The following COIL variants were observed in gnomAD, a reference collection of about 807,000 sequenced individuals.
COIL encodes the protein coilin.
In COIL, 28 loss-of-function variants were observed where a neutral mutation model predicts 51.6. The ratio of observed to expected loss-of-function variants is 0.54; its 90% CI spans 0.40 to 0.74. The LOEUF (loss-of-function observed/expected upper bound fraction) is 0.74, where lower values mean the gene tolerates loss of function less well. Ranked by LOEUF, COIL falls within the 30% of genes least tolerant of loss-of-function variation. The probability of loss-of-function intolerance (pLI) is 0.00; values close to 1 mark genes in which losing one functional copy is unlikely to be tolerated. For missense variants in COIL, 667 were observed against 685.9 expected, an observed-to-expected ratio of 0.97 and a Z score of 0.31; for synonymous variants, 233 against 255.8, an observed-to-expected ratio of 0.91 and a Z score of 0.85.
Position 56,950,633 on chromosome 17 carries a change from C to T in COIL, c.609G>A (p.Pro203=), listed in dbSNP as rs549254413. ...YKKKAKNPKS[P]KVQAVKDWAN... ...CCCAGTCTTTCACTGCCTGTACTTT[C>T]GGAGACTTGGGATTCTTAGCCTTTT... Residue 203 remains proline, a synonymous_variant, in exon 2 of 7, where the codon CCG becomes CCA. Coordinates refer to ENST00000240316, the MANE Select transcript of COIL (RefSeq NM_004645.3). 13 of 1,612,876 alleles carry T rather than the reference C, an allele frequency of 8.1e-6. No individual in the cohort carries two copies. The highest frequency in any genetic ancestry group is 6.7e-5 in the African/African-American group (5 of 74,952).
At chr17:56,949,097 G>C (rs1822614892) in intron 4 of COIL, among the ~76,000 whole-genome samples, 1 of 152,040 alleles carries the variant, frequency 6.6e-6, no homozygotes, top group South Asian at 2.1e-4. Flanking sequence ...AACATAGCAA[G>C]ATCCTGTCGC....
intron 1 of COIL, among the ~76,000 whole-genome samples, chr17:56,958,849 T>C (rs1046730430): frequency 6.6e-6 from 1 of 152,238 alleles, no homozygotes; most frequent in African/African-American, 2.4e-5. Flanking sequence ...TTTGAAACAG[T>C]TGAACATTAT....
In COIL at chr17:56,938,830, G is replaced by T; in HGVS notation, c.*241C>A. On this transcript the variant is annotated 3_prime_UTR_variant, in exon 7 of 7. Transcript: ENST00000240316. The stretch of plus-strand genomic sequence containing the variant: ...ATACTGGTATACAACAATATCTGCA[G>T]GGAATGTCATGTTTTACATTTTGTT... 1 of 376,236 alleles carries T rather than the reference G, an allele frequency of 2.7e-6. No individual in the cohort carries two copies. 23.3% of individuals were successfully genotyped at this position (376,236 alleles called of 1,614,324 possible).
intron 1 of COIL, among the ~76,000 whole-genome samples, chr17:56,953,278 G>A (rs1291460897): frequency 6.6e-6 from 1 of 151,912 alleles, no homozygotes; most frequent in African/African-American, 2.4e-5. Flanking sequence ...AGGCGTGGTG[G>A]CGGGCGCCTG....
In COIL at chr17:56,942,071, G is replaced by A. The variant is rs764901266; in HGVS notation, c.1611C>T (p.Ala537=). ...GTGTCACAGCGTACTCCACTACCTC[G>A]GCTCCATTTTCATTGTGATAAACTA... is the stretch of plus-strand genomic sequence containing the variant. ...FDLVYHNENG[A]EVVEYAVTQE... Residue 537 remains alanine, a synonymous_variant, in exon 6 of 7, where the codon GCC becomes GCT. Transcript: ENST00000240316. The A allele has an allele frequency of 1.4e-5, 22 of 1,613,960 alleles. No individual in the cohort carries two copies. Among genetic ancestry groups the A allele is most frequent in the East Asian group, 2.2e-5 (1 of 44,896 alleles).
Position 56,959,542 on chromosome 17 carries a change from T to G in COIL, c.245+1233A>C, listed in dbSNP as rs1910543933. On this transcript the variant is annotated intron_variant, in intron 1 of 6. Coordinates refer to ENST00000240316, the MANE Select transcript of COIL (RefSeq NM_004645.3). ...TTAAGATTATTTTGTGTTTCCCAAT[T>G]TACAGCCCAAAAGGACTCAAGACAC... Among the ~76,000 whole-genome samples the G allele has an allele frequency of 2.6e-5, 4 of 152,298 alleles. No individual in the cohort carries two copies. In the South Asian group the frequency reaches 8.3e-4, roughly 32 times the overall value.
At chr17:56,942,151 G>A (rs535958153) in intron 5 of COIL, 28 bp from the exon 6 acceptor site, 1 of 1,550,760 alleles carries the variant, frequency 6.4e-7, no homozygotes. Flanking sequence ...GGAGGAAAGA[G>A]AGTAAGTCAT....
intron 6 of COIL, among the ~76,000 whole-genome samples, chr17:56,939,517 A>G (rs917293791): frequency 6.6e-6 from 1 of 152,142 alleles, no homozygotes; most frequent in Non-Finnish European, 1.5e-5. Context: ...TGGGAGGCCA[A>G]GGCAGTCGGA....
At chr17:56,948,213 C>T (rs778361502) in intron 4 of COIL, among the ~76,000 whole-genome samples, 2 of 146,668 alleles carry the variant, frequency 1.4e-5, no homozygotes, top group Non-Finnish European at 3.0e-5. Context: ...CAGCTAACTG[C>T]AAGCTCTGCC....
intron 1 of COIL, chr17:56,952,276 T>C (rs1402788923): frequency 1.2e-5 from 6 of 487,022 alleles, no homozygotes; most frequent in Non-Finnish European, 2.0e-5. Flanking sequence ...TCTAGAAAAA[T>C]GGCAGAATAA....
rs370458934 is a variant in COIL, at chr17:56,949,798, T to C, written c.1354-31A>G. The stretch of plus-strand genomic sequence containing the variant: ...AAACAGTGTTAGTCATGTGACATCA[T>C]CACTGGTGAGAAAATGTGAATCCAT... On this transcript the variant is annotated intron_variant, in intron 2 of 6. Transcript: ENST00000240316. The C allele has an allele frequency of 3.1e-6, 5 of 1,611,774 alleles. No homozygotes were observed. The highest frequency in any genetic ancestry group is 4.2e-6 in the Non-Finnish European group (5 of 1,177,872).
At chr17:56,949,850 G>A in intron 2 of COIL, 39 bp downstream of exon 2, 2 of 1,610,822 alleles carry the variant, frequency 1.2e-6, no homozygotes, top group Non-Finnish European at 1.7e-6. Context: ...ACATTCTAAG[G>A]GGAAAGGGAG....
intron 5 of COIL, 70 bp from the exon 6 acceptor site, chr17:56,942,193 GA>G: frequency 8.3e-7 from 1 of 1,204,546 alleles, no homozygotes; most frequent in Non-Finnish European, 1.2e-6. Context: ...CCTCTATGGG[GA>G]ATTTATATCA....
At chr17:56,945,792 T>C (rs929649239) in intron 5 of COIL, among the ~76,000 whole-genome samples, 4 of 152,240 alleles carry the variant, frequency 2.6e-5, no homozygotes, top group Admixed American at 2.6e-4. Flanking sequence ...CTCGGCTCAC[T>C]GCAACCTCCA....
chr17:56,944,193 C>T (rs1239649691), intron 5 of COIL, among the ~76,000 whole-genome samples: 1 of 152,152 alleles, frequency 6.6e-6, no homozygotes, highest in Non-Finnish European at 1.5e-5. Context: ...AATCACCTGA[C>T]AAGCACTGAT....
At chr17:56,948,707 A>G (rs1245243553) in intron 4 of COIL, among the ~76,000 whole-genome samples, 2 of 151,054 alleles carry the variant, frequency 1.3e-5, no homozygotes, top group Non-Finnish European at 2.9e-5. Flanking sequence ...GAAAAACCTC[A>G]CATGCCAATA....
intron 4 of COIL, among the ~76,000 whole-genome samples, chr17:56,949,117 A>C (rs1910305621): frequency 6.6e-6 from 1 of 152,170 alleles, no homozygotes; most frequent in Non-Finnish European, 1.5e-5. Flanking sequence ...CTATTTAAAA[A>C]CAAAAAATTA....
chr17:56,957,408 T>A (rs890430052), intron 1 of COIL, among the ~76,000 whole-genome samples: 1 of 151,970 alleles, frequency 6.6e-6, no homozygotes, highest in Non-Finnish European at 1.5e-5. Context: ...TCACTTGAGG[T>A]CACAAGTTCG....
At chr17:56,953,737 C>T (rs558980967) in intron 1 of COIL, among the ~76,000 whole-genome samples, 18 of 151,960 alleles carry the variant, frequency 1.2e-4, no homozygotes, top group African/African-American at 2.4e-4. Flanking sequence ...TACCTCAATG[C>T]GGTAGTTGAA....
Sources: gnomAD v4.1 joint callset for allele counts (sites outside exome capture counted in the v4.1 genomes callset) on GRCh38, gnomAD v4.1.1 for gene constraint, MANE v1.5 for transcripts, NCBI Gene and HGNC (gene_info 2026-07-23, HGNC 2026-07-21) for gene names.